DDX55: variants seen among roughly 807,000 people sequenced by gnomAD.
DDX55 encodes ATP-dependent RNA helicase DDX55.
In DDX55, 56 loss-of-function variants were observed where a neutral mutation model predicts 69.2. The observed-to-expected ratio is 0.81, with a 90% confidence interval of 0.65 to 1.01. DDX55 has a LOEUF of 1.01. Among genes scored for constraint, DDX55 ranks in the 50% least tolerant of loss-of-function variants. DDX55 has a pLI of 0.00. For missense variants in DDX55, 720 were observed against 745.1 expected (o/e 0.97, Z 0.39); for synonymous variants, 268 against 273.1 (o/e 0.98, Z 0.18).
At position 123,615,272 on chromosome 12, in the gene DDX55, A is replaced by T; in HGVS notation, c.912A>T (p.Lys304Asn). The T allele has an allele frequency of 2.5e-6, 4 of 1,614,140 alleles. No individual in the cohort carries two copies. The highest frequency in any genetic ancestry group is 3.4e-6 in the Non-Finnish European group (4 of 1,180,004). ...TTATGTGCATTCACGGAAAGATGAA[A>T]TATAAACGCAATAAGATCTTCATGG... Reference protein sequence around the residue: ...VKIMCIHGKMKYKRNKIFMEF... With the variant: ...VKIMCIHGKMNYKRNKIFMEF... Residue 304 changes from lysine to asparagine, a missense_variant, in exon 9 of 14, where the codon AAA (lysine) becomes AAT (asparagine). Physicochemically the swap from Lys to Asn is moderately conservative, Grantham distance 94. Transcript: ENST00000238146.
intron 7 of DDX55, among the ~76,000 whole-genome samples, chr12:123,610,598 TGA>T (rs1285219054): frequency 1.3e-5 from 2 of 148,486 alleles, no homozygotes; most frequent in Non-Finnish European, 3.0e-5. Context: ...TCAAATATGC[TGA>T]GTTTCTTTTT....
chr12:123,616,609 G>A lies in DDX55; in HGVS notation c.1049+6G>A. On this transcript the variant is annotated splice_donor_region_variant and intron_variant, in intron 10 of 13. Coordinates refer to ENST00000238146, the MANE Select transcript of DDX55 (RefSeq NM_020936.3). ...GACCCTCCCAGCAATGCAAGGTATGGTACGAGGCTGCCACCCACTCTCTGT... is the reference window on the plus strand; with the variant it reads ...GACCCTCCCAGCAATGCAAGGTATGATACGAGGCTGCCACCCACTCTCTGT... 1 of 1,613,644 alleles carries A rather than the reference G, an allele frequency of 6.2e-7. No homozygotes were observed. Among genetic ancestry groups the A allele is most frequent in the Non-Finnish European group, 8.5e-7 (1 of 1,179,586 alleles).
In DDX55 at chr12:123,619,357, A is replaced by C. The variant is rs1194791652; in HGVS notation, c.1334-75A>C. Reference sequence around the variant, plus strand: ...TGCATTAAACCCTTTGGTTAGAAAAAAATTATATTGTAAGCCATTACTGAT... The same window carrying C: ...TGCATTAAACCCTTTGGTTAGAAAACAATTATATTGTAAGCCATTACTGAT... On this transcript the variant is annotated intron_variant, in intron 12 of 13. Coordinates refer to ENST00000238146, the MANE Select transcript of DDX55 (RefSeq NM_020936.3). 6 of 1,519,530 alleles carry C rather than the reference A, an allele frequency of 3.9e-6. No homozygotes were observed. In the African/African-American group the frequency reaches 7.0e-5, roughly 18 times the overall value. 94.1% of individuals were successfully genotyped at this position (1,519,530 alleles called of 1,614,324 possible).
In DDX55 at chr12:123,606,172, A is replaced by G; in HGVS notation, c.246+13A>G. 1.2e-6 allele frequency: 2 copies of G among 1,613,540 alleles called. No homozygotes were observed. Among genetic ancestry groups the G allele is most frequent in the Non-Finnish European group, 8.5e-7 (1 of 1,179,868 alleles). Reference sequence around the variant, plus strand: ...AAAAAAGAGTCAGGTGAGGACAACAAAAGTGATTTATTTTCACCTAGTCAT... The same window carrying G: ...AAAAAAGAGTCAGGTGAGGACAACAGAAGTGATTTATTTTCACCTAGTCAT... On this transcript the variant is annotated intron_variant, in intron 3 of 13. Transcript: ENST00000238146.
intron 1 of DDX55, chr12:123,605,631 G>A: frequency 2.1e-6 from 1 of 481,718 alleles, no homozygotes. Flanking sequence ...ACTAGAGCTG[G>A]AAGGGACCCT....
intron 7 of DDX55, among the ~76,000 whole-genome samples, chr12:123,612,659 C>T (rs1015750810): frequency 4.0e-5 from 6 of 151,036 alleles, no homozygotes; most frequent in Admixed American, 2.0e-4. Flanking sequence ...ATCTGTATGT[C>T]GTACCCAAGA....
At chr12:123,615,829 A>T (rs554430593) in intron 9 of DDX55, among the ~76,000 whole-genome samples, 20 of 152,286 alleles carry the variant, frequency 1.3e-4, no homozygotes, top group African/African-American at 4.3e-4. Context: ...CTAAAAACAA[A>T]AAATTAGTCG....
intron 5 of DDX55, chr12:123,608,022 AAAG>A (rs1181065883): frequency 7.3e-6 from 2 of 273,584 alleles, no homozygotes; most frequent in Non-Finnish European, 1.4e-5. Context: ...AATTTTTTAA[AAAG>A]AAGATGGAAT....
chr12:123,617,337 T>G (rs1032517607), intron 10 of DDX55, among the ~76,000 whole-genome samples: 1 of 152,236 alleles, frequency 6.6e-6, no homozygotes, highest in African/African-American at 2.4e-5. Context: ...TTACAATTAC[T>G]TTCTTCAAAG....
intron 5 of DDX55, 84 bp from the exon 6 acceptor site, chr12:123,608,596 G>A (rs1555278543): frequency 2.6e-6 from 4 of 1,512,072 alleles, no homozygotes; most frequent in South Asian, 2.4e-5. Context: ...ACTTTGGGGG[G>A]ATATAAAACT....
intron 8 of DDX55, 146 bp from the exon 9 acceptor site, chr12:123,615,039 T>G: frequency 9.3e-7 from 1 of 1,074,258 alleles, no homozygotes; most frequent in Non-Finnish European, 1.3e-6. Flanking sequence ...TTGTGGATGA[T>G]TTCCACTGCC....
intron 10 of DDX55, 39 bp from the exon 11 acceptor site, chr12:123,617,719 C>A (rs1198528371): frequency 3.8e-6 from 6 of 1,561,898 alleles, no homozygotes; most frequent in South Asian, 1.2e-5. Flanking sequence ...GTTCAGCTGT[C>A]ATCACCTGGG....
chr12:123,610,904 GT>G lies in DDX55; in HGVS notation c.741+785del, dbSNP rs1257621466. On this transcript the variant is annotated intron_variant, in intron 7 of 13. Coordinates refer to ENST00000238146, the MANE Select transcript of DDX55 (RefSeq NM_020936.3). ...CGCGCCCGGCCGTTTTTTTTTGTTT[GT>G]TTTTTTTTGTTTTGAGACGGGGTCT... 5.2e-5 allele frequency among the ~76,000 whole-genome samples: 6 copies of G among 115,568 alleles called. No individual in the cohort carries two copies. In the East Asian group the frequency reaches 1.3e-3, roughly 26 times the overall value. The allele number at this position is 115,568 out of a possible 152,430, so 75.8% of individuals were successfully genotyped here. A position where few individuals can be genotyped will look rare whatever the true frequency, so the allele number is the denominator to read the frequency against.
At chr12:123,608,607 TG>T in intron 5 of DDX55, 72 bp from the exon 6 acceptor site, 1 of 1,560,896 alleles carries the variant, frequency 6.4e-7, no homozygotes, top group Non-Finnish European at 8.7e-7. Flanking sequence ...ATATAAAACT[TG>T]GTATTTTGGT....
chr12:123,602,190 G>A lies in DDX55; in HGVS notation c.42G>A (p.Val14=), dbSNP rs766716426. Residue 14 remains valine, a synonymous_variant, in exon 1 of 14, where the codon GTG becomes GTA. Coordinates refer to ENST00000238146, the MANE Select transcript of DDX55 (RefSeq NM_020936.3). ...VTEGSWESLP[V]PLHPQVLGAL... ...AGGGCTCCTGGGAGTCGCTGCCTGT[G>A]CCGCTGCACCCGCAGGTGCTGGGCG... 93 of 1,570,842 alleles carry A rather than the reference G, an allele frequency of 5.9e-5. No homozygotes were observed. In the Middle Eastern group the frequency reaches 1.1e-3, roughly 18 times the overall value.
At chr12:123,613,952 A>G (rs943699024) in intron 8 of DDX55, among the ~76,000 whole-genome samples, 4 of 152,134 alleles carry the variant, frequency 2.6e-5, no homozygotes, top group African/African-American at 4.8e-5. Flanking sequence ...TTCTCCAGAG[A>G]TAAATGTGTT....
At chr12:123,606,536 T>G (rs997537887) in intron 3 of DDX55, among the ~76,000 whole-genome samples, 1 of 152,110 alleles carries the variant, frequency 6.6e-6, no homozygotes, top group South Asian at 2.1e-4. Flanking sequence ...ACTGCTCAGG[T>G]GTAAACAGTG....
In DDX55 at chr12:123,603,187, T is replaced by C. The variant is rs541396693; in HGVS notation, c.108+931T>C. ...TTAGGAAGGGAAGGGCTGTGATTTC[T>C]CTGTAGAGAGTGGCCTTTCCAGGCA... On this transcript the variant is annotated intron_variant, in intron 1 of 13. Coordinates refer to ENST00000238146, the MANE Select transcript of DDX55 (RefSeq NM_020936.3). Among the ~76,000 whole-genome samples, 6 of 152,182 alleles carry C rather than the reference T, an allele frequency of 3.9e-5. No individual in the cohort carries two copies. The South Asian group carries it at 1.2e-3, about 32-fold the overall frequency.
chr12:123,616,673 G>T, intron 10 of DDX55, 70 bp downstream of exon 10: 2 of 1,456,930 alleles, frequency 1.4e-6, no homozygotes, highest in Non-Finnish European at 1.9e-6. Flanking sequence ...TCCCGAAGAA[G>T]ATAAACAGAT....
Sources: allele counts gnomAD v4.1 joint callset (sites outside exome capture counted in the v4.1 genomes callset), GRCh38; gene constraint gnomAD v4.1.1; transcripts MANE v1.5; gene names NCBI Gene and HGNC (gene_info 2026-07-23, HGNC 2026-07-21).